Variants in REC8 observed in about 807,000 individuals in gnomAD.
REC8 encodes meiotic recombination protein REC8 homolog.
A neutral mutation model predicts 78.3 loss-of-function variants in REC8; 42 were observed. The observed-to-expected ratio is 0.54, with a 90% CI of 0.42 to 0.69. The LOEUF is 0.69. Among genes scored for constraint, REC8 ranks in the 30% least tolerant of loss-of-function variants. The probability of loss-of-function intolerance (pLI) is 0.00; values close to 1 mark genes in which losing one functional copy is unlikely to be tolerated. For missense variants in REC8, 581 were observed against 715.8 expected (o/e 0.81, Z 2.15); for synonymous variants, 268 against 274.1 (o/e 0.98, Z 0.22).
At chr14:24,177,838 A>G in intron 11 of REC8, 80 bp downstream of exon 11, 1 of 1,491,528 alleles carries the variant, frequency 6.7e-7, no homozygotes, top group Non-Finnish European at 8.9e-7. Flanking sequence ...GCCCAGGGCC[A>G]CTGCTAGCTT....
chr14:24,178,083 C>A lies in REC8; in HGVS notation c.865-8C>A. The A allele has an allele frequency of 1.2e-6, 2 of 1,611,414 alleles. No individual in the cohort carries two copies. Among genetic ancestry groups the A allele is most frequent in the Non-Finnish European group, 1.7e-6 (2 of 1,178,392 alleles). ...GCCTTGCCCCTACCTGCCCTCCCCACTCAACAGAGGAGGCCCCCAGTCCCC... is the reference window on the plus strand; with the variant it reads ...GCCTTGCCCCTACCTGCCCTCCCCAATCAACAGAGGAGGCCCCCAGTCCCC... On this transcript the variant is annotated splice_region_variant and splice_polypyrimidine_tract_variant and intron_variant, in intron 11 of 18. Transcript: ENST00000611366.
intron 15 of REC8, 122 bp from the exon 16 acceptor site, chr14:24,179,275 C>A (rs1043917681): frequency 8.1e-7 from 1 of 1,238,856 alleles, no homozygotes; most frequent in African/African-American, 1.5e-5. Context: ...CTCCTCAGCT[C>A]TCCCACCTAT....
chr14:24,180,756 A>G (rs748316194), downstream of REC8: 7 of 1,613,626 alleles, frequency 4.3e-6, no homozygotes, highest in African/African-American at 9.3e-5. Flanking sequence ...CCACATCTAT[A>G]ACCTGTGAGG....
At position 24,172,755 on chromosome 14, in the gene REC8, C is replaced by A; in HGVS notation, c.99C>A (p.Tyr33Ter). Residue 33 changes from tyrosine (Y) to a stop codon, truncating the protein, a stop_gained, in exon 2 of 19, where the codon TAC (tyrosine) becomes TAA (stop). Coordinates refer to ENST00000611366, the MANE Select transcript of REC8 (RefSeq NM_001048205.2). LOFTEE classifies it high-confidence loss of function. ...GCAGCCGGTTGGTGAAGCGCGAATACCTGAGGGTGAATGTGGTGAAAACCT... is the reference window on the plus strand; with the variant it reads ...GCAGCCGGTTGGTGAAGCGCGAATAACTGAGGGTGAATGTGGTGAAAACCT... ...TRGSRLVKRE[Y>*]LRVNVVKTCE... is the part of the protein sequence containing the mutation. 1 of 1,614,194 alleles carries A rather than the reference C, an allele frequency of 6.2e-7. No homozygotes were observed. The highest frequency in any genetic ancestry group is 8.5e-7 in the Non-Finnish European group (1 of 1,180,030).
Position 24,172,697 on chromosome 14 carries a change from TCCCCACC to T in REC8, c.57-14_57-8del. 6.2e-7 allele frequency: 1 copy of T among 1,614,068 alleles called. No homozygotes were observed. Among genetic ancestry groups the T allele is most frequent in the Non-Finnish European group, 8.5e-7 (1 of 1,179,992 alleles). On this transcript the variant is annotated splice_polypyrimidine_tract_variant and intron_variant, in intron 1 of 18. Coordinates refer to ENST00000611366, the MANE Select transcript of REC8 (RefSeq NM_001048205.2). The stretch of plus-strand genomic sequence containing the variant: ...CCCCTCCATCCCCATTCTCCCACCT[TCCCCACC>T]CACTTCAGGCTGGCGGCGACTCGCG...
intron 5 of REC8, 147 bp downstream of exon 5, chr14:24,173,558 C>T (rs1044656760): frequency 2.0e-6 from 3 of 1,470,968 alleles, no homozygotes; most frequent in Admixed American, 2.1e-5. Flanking sequence ...AAGGTGGACC[C>T]ATCCAGGCGA....
At chr14:24,172,857 C>A in intron 2 of REC8, 42 bp from the exon 3 acceptor site, 1 of 1,613,284 alleles carries the variant, frequency 6.2e-7, no homozygotes, top group Non-Finnish European at 8.5e-7. Context: ...ACTGTGGGCC[C>A]ACTCCTGGAC....
At chr14:24,176,701 T>G (rs1035633848) in intron 6 of REC8, 121 bp from the exon 7 acceptor site, 2 of 739,950 alleles carry the variant, frequency 2.7e-6, no homozygotes, top group African/African-American at 3.5e-5. Flanking sequence ...TGCCAGAGAT[T>G]AGCCTGGGTC....
intron 5 of REC8, 71 bp downstream of exon 5, chr14:24,173,482 C>CA: frequency 6.3e-7 from 1 of 1,588,832 alleles, no homozygotes; most frequent in African/African-American, 1.3e-5. Flanking sequence ...GTCACTCTGA[C>CA]ATTGGGGTTG....
At position 24,178,862 on chromosome 14, in the gene REC8, G is replaced by A; in HGVS notation, c.1149G>A (p.Glu383=). 3.1e-6 allele frequency: 5 copies of A among 1,613,646 alleles called. No homozygotes were observed. Among genetic ancestry groups the A allele is most frequent in the Non-Finnish European group, 4.2e-6 (5 of 1,179,958 alleles). ...PPKALRRELP[E]EAAAEEERRK... is the part of the protein sequence containing the mutation. ...AAGCCCTCAGGCGAGAGCTGCCTGA[G>A]GAGGCAGCCGCTGAGGAGGAAAGGA... The change falls in exon 14 of 19, where the codon GAG becomes GAA. Residue 383 remains glutamate, a synonymous_variant. Transcript: ENST00000611366.
chr14:24,178,245 C>CGG, intron 12 of REC8, 23 bp downstream of exon 12: 2 of 1,602,710 alleles, frequency 1.2e-6, no homozygotes, highest in Non-Finnish European at 1.7e-6. Flanking sequence ...CAGGCTTTGC[C>CGG]GGGGAAGGGA....
chr14:24,173,073 G>A (rs779957226), intron 3 of REC8, 32 bp downstream of exon 3: 1 of 1,611,448 alleles, frequency 6.2e-7, no homozygotes, highest in Non-Finnish European at 8.5e-7. Context: ...GGTGGGGCGG[G>A]CTGAGCAGCT....
At chr14:24,177,924 G>C in intron 11 of REC8, 166 bp downstream of exon 11, 3 of 1,494,856 alleles carry the variant, frequency 2.0e-6, no homozygotes, top group Non-Finnish European at 2.7e-6. Flanking sequence ...CTTCCCAGAT[G>C]GGTACCCTTA....
chr14:24,177,616 A>C (rs1169989229), intron 10 of REC8, 75 bp downstream of exon 10: 36 of 1,577,994 alleles, frequency 2.3e-5, no homozygotes, highest in Non-Finnish European at 2.8e-5. Flanking sequence ...TTTATATCCC[A>C]ACTTGCTAAA....
At chr14:24,175,480 A>G in intron 5 of REC8, 63 bp from the exon 6 acceptor site, 1 of 1,302,442 alleles carries the variant, frequency 7.7e-7, no homozygotes, top group South Asian at 1.2e-5. Flanking sequence ...GAAGGCTGTG[A>G]AAAGTGGGAA....
Position 24,179,615 on chromosome 14 carries a change from C to T in REC8, c.1340C>T (p.Ala447Val), listed in dbSNP as rs1192872940. 4 of 1,614,094 alleles carry T rather than the reference C, an allele frequency of 2.5e-6. No homozygotes were observed. The highest frequency in any genetic ancestry group is 3.4e-6 in the Non-Finnish European group (4 of 1,180,044). Residue 447 changes from alanine (A) to valine (V), a missense_variant, in exon 17 of 19, where the codon GCG (alanine) becomes GTG (valine). By Grantham distance (64) the Ala-to-Val change is moderately conservative. Transcript: ENST00000611366. ...EERWAWPEVE[A>V]PEAPALPVVP... ...CCTAGGGCCTGGCCTGAGGTGGAGG[C>T]GCCAGAAGCTCCTGCATTGCCCGTG...
At chr14:24,178,316 G>T (rs3736840) in intron 12 of REC8, 94 bp downstream of exon 12, 356,229 of 1,150,606 alleles carry the variant, frequency 0.31, 57,399 homozygotes, top group Non-Finnish European at 0.33. Flanking sequence ...TCAGGTGGGT[G>T]GGGGGAGGAT....
Position 24,172,501 on chromosome 14 carries a change from T to A in REC8, c.-52T>A. ...ATTCTGTGCCCTAAAGAATTCCGAC[T>A]CAGATCCGAACGGGGATCTGGTGGA... On this transcript the variant is annotated 5_prime_UTR_variant, in exon 1 of 19. Coordinates refer to ENST00000611366, the MANE Select transcript of REC8 (RefSeq NM_001048205.2). The A allele has an allele frequency of 6.4e-7, 1 of 1,562,608 alleles. No individual in the cohort carries two copies. Among genetic ancestry groups the A allele is most frequent in the Non-Finnish European group, 8.7e-7 (1 of 1,143,296 alleles).
chr14:24,180,845 C>G, downstream of REC8: 2 of 1,075,186 alleles, frequency 1.9e-6, no homozygotes, highest in Non-Finnish European at 1.3e-6. Context: ...GGCAGAATCT[C>G]TTATCAGGGG....
Sources: gnomAD v4.1 joint callset for allele counts on GRCh38, gnomAD v4.1.1 for gene constraint, MANE v1.5 for transcripts, NCBI Gene and HGNC (gene_info 2026-07-23, HGNC 2026-07-21) for gene names.